The following HIPK3 variants were observed in gnomAD, a reference collection of about 807,000 sequenced individuals.
The protein encoded by HIPK3 is homeodomain interacting protein kinase 3.
Under a neutral mutation model 124.2 loss-of-function variants are expected in HIPK3, and 47 were observed. The ratio of observed to expected loss-of-function variants is 0.38; its 90% CI spans 0.30 to 0.48. The LOEUF (loss-of-function observed/expected upper bound fraction) is 0.48, where lower values mean the gene tolerates loss of function less well. Ranked by LOEUF, HIPK3 falls within the 20% of genes least tolerant of loss-of-function variation. The pLI is 0.98. For missense variants in HIPK3, 1,286 were observed against 1,454.3 expected (o/e 0.88, Z 1.88); for synonymous variants, 482 against 515.2 (o/e 0.94, Z 0.87).
At chr11:33,261,430 T>A (rs1850825082) in intron 1 of HIPK3, among the ~76,000 whole-genome samples, 1 of 152,018 alleles carries the variant, frequency 6.6e-6, no homozygotes. Flanking sequence ...TGTGTTCTCA[T>A]CATTTAGCTT....
At position 33,341,561 on chromosome 11, in the gene HIPK3, A is replaced by G; in HGVS notation, c.1774-2A>G. ...CTCTATATAATGTGCTCGTTGTTTC[A>G]GGCATTGACCACATCTGCTCATTCA... On this transcript the variant is annotated splice_acceptor_variant, in intron 7 of 16. Coordinates refer to ENST00000303296, the MANE Select transcript of HIPK3 (RefSeq NM_005734.5). LOFTEE classifies it high-confidence loss of function. 1 of 1,605,366 alleles carries G rather than the reference A, an allele frequency of 6.2e-7. No homozygotes were observed. Among genetic ancestry groups the G allele is most frequent in the African/African-American group, 1.3e-5 (1 of 74,674 alleles).
At chr11:33,344,077 C>T (rs1001450108) in intron 8 of HIPK3, among the ~76,000 whole-genome samples, 1 of 152,120 alleles carries the variant, frequency 6.6e-6, no homozygotes, top group Non-Finnish European at 1.5e-5. Flanking sequence ...AATATGTTTT[C>T]TACCCTAGAT....
intron 1 of HIPK3, among the ~76,000 whole-genome samples, chr11:33,260,294 C>A (rs910889702): frequency 6.6e-6 from 1 of 152,130 alleles, no homozygotes; most frequent in Admixed American, 6.5e-5. Context: ...TCCCTGCACC[C>A]CCTGCAACTT....
intron 2 of HIPK3, among the ~76,000 whole-genome samples, chr11:33,299,628 AAAG>A (rs1851936412): frequency 6.6e-6 from 1 of 152,228 alleles, no homozygotes. Flanking sequence ...TCCAATTTTG[AAAG>A]AAGTTCTCCT....
intron 3 of HIPK3, 142 bp downstream of exon 3, chr11:33,328,775 GATTTTGAAAACTGTTTTATA>G: frequency 3.0e-6 from 2 of 656,044 alleles, no homozygotes; most frequent in Non-Finnish European, 4.8e-6. Flanking sequence ...TTGTAGAATT[GATTTTGAAAACTGTTTTATA>G]ATGCTGAAGT....
chr11:33,263,835 G>A (rs184436132), intron 1 of HIPK3, among the ~76,000 whole-genome samples: 2 of 152,160 alleles, frequency 1.3e-5, no homozygotes, highest in East Asian at 3.9e-4. Flanking sequence ...TTTCCTTAAG[G>A]TGGAGTTTGG....
rs760575883 is a variant in HIPK3, at chr11:33,353,103, T to C, written c.3183T>C (p.Phe1061=). 6.2e-7 allele frequency: 1 copy of C among 1,609,210 alleles called. No individual in the cohort carries two copies. The change falls in exon 17 of 17, where the codon TTT becomes TTC. Residue 1061 remains phenylalanine (F), a synonymous_variant. Transcript: ENST00000303296. ...QHLNFSQVQH[F]GSGHQEWNGN... is the part of the protein sequence containing the mutation. ...TTCTTTGTGGATAGGTTCAGCACTT[T>C]GGATCTGGGCATCAAGAGTGGAATG...
At chr11:33,258,190 G>C (rs771616525) in intron 1 of HIPK3, 8 of 623,480 alleles carry the variant, frequency 1.3e-5, no homozygotes, top group Non-Finnish European at 1.4e-5. Context: ...GCCTGGCCGG[G>C]GCCCGGGGGC....
Position 33,258,350 on chromosome 11 carries a change from A to G in HIPK3, c.-3+461A>G, listed in dbSNP as rs548538910. The G allele has an allele frequency of 1.9e-3, 1,920 of 985,590 alleles. 5 individuals carry two copies. The highest frequency in any genetic ancestry group is 2.2e-3 in the Non-Finnish European group (1,785 of 830,070). 61.1% of individuals were successfully genotyped at this position (985,590 alleles called of 1,614,324 possible). On this transcript the variant is annotated intron_variant, in intron 1 of 16. Coordinates refer to ENST00000303296, the MANE Select transcript of HIPK3 (RefSeq NM_005734.5). ...TTTCCTTTCATTAAGGGGAACAAAC[A>G]AACGCGCAGGCACGCAGCTTGAGCA...
intron 3 of HIPK3, among the ~76,000 whole-genome samples, chr11:33,330,784 ATT>A (rs1198852696): frequency 6.5e-5 from 9 of 139,294 alleles, no homozygotes; most frequent in African/African-American, 2.4e-4. Context: ...AATTTTGATA[ATT>A]TTTTTTTTTT....
chr11:33,279,839 G>A lies in HIPK3; in HGVS notation c.-2-6574G>A, dbSNP rs73487203. 1.4e-3 allele frequency among the ~76,000 whole-genome samples: 210 copies of A among 152,172 alleles called. 1 individual carries two copies. Among genetic ancestry groups the A allele is most frequent in the African/African-American group, 4.8e-3 (198 of 41,510 alleles). On this transcript the variant is annotated intron_variant, in intron 1 of 16. Coordinates refer to ENST00000303296, the MANE Select transcript of HIPK3 (RefSeq NM_005734.5). The stretch of plus-strand genomic sequence containing the variant: ...CACTTTCTCCTCCTTCAAAGATGGC[G>A]CCCTTTTGCTGTATCCTTACGTGGT...
intron 2 of HIPK3, among the ~76,000 whole-genome samples, chr11:33,320,271 C>T (rs1340563152): frequency 6.6e-6 from 1 of 152,188 alleles, no homozygotes; most frequent in Non-Finnish European, 1.5e-5. Context: ...ATGGATCACT[C>T]AAGCTGCTAG....
chr11:33,312,627 A>G (rs1278792205), intron 2 of HIPK3, among the ~76,000 whole-genome samples: 1 of 152,228 alleles, frequency 6.6e-6, no homozygotes, highest in Non-Finnish European at 1.5e-5. Flanking sequence ...AACAGAGTTG[A>G]TAAGATACAT....
intron 2 of HIPK3, among the ~76,000 whole-genome samples, chr11:33,322,782 C>T (rs545690338): frequency 6.6e-5 from 10 of 152,254 alleles, no homozygotes; most frequent in East Asian, 1.9e-4. Context: ...GTCAAGGCTG[C>T]GCCACTGCAC....
chr11:33,257,572 CG>C lies in HIPK3; in HGVS notation c.-318del. 1 of 985,828 alleles carries C rather than the reference CG, an allele frequency of 1.0e-6. No homozygotes were observed. The highest frequency in any genetic ancestry group is 1.2e-6 in the Non-Finnish European group (1 of 830,136). The allele number at this position is 985,828 out of a possible 1,614,324, so 61.1% of individuals were successfully genotyped here. ...TAGGCCCCAGTAGCCGGAGGCCGAC[CG>C]GCCTCCCACTACCCCTCGCCCTAGC... On this transcript the variant is annotated 5_prime_UTR_variant, in exon 1 of 17. Transcript: ENST00000303296.
Position 33,353,326 on chromosome 11 carries a change from C to CTGT in HIPK3, c.3408_3410dup (p.Leu1137dup), listed in dbSNP as rs779093541. 1.2e-6 allele frequency: 2 copies of CTGT among 1,614,118 alleles called. No homozygotes were observed. The highest frequency in any genetic ancestry group is 1.7e-6 in the Non-Finnish European group (2 of 1,179,980). The stretch of plus-strand genomic sequence containing the variant: ...CAGTAGTGCTGCACCAGTGGCCCAC[C>CTGT]TGTTAGCCTCTCCGTGTACCTCAAG... On this transcript the variant is annotated inframe_insertion, in exon 17 of 17. Transcript: ENST00000303296.
intron 2 of HIPK3, among the ~76,000 whole-genome samples, chr11:33,311,843 C>CACACACACAT (rs1565079019): frequency 1.4e-5 from 2 of 145,992 alleles, no homozygotes; most frequent in Non-Finnish European, 3.0e-5. Flanking sequence ...TTTCTACACA[C>CACACACACAT]ACACACACAC....
intron 2 of HIPK3, among the ~76,000 whole-genome samples, chr11:33,326,689 C>G (rs1194471243): frequency 6.6e-6 from 1 of 150,946 alleles, no homozygotes; most frequent in Non-Finnish European, 1.5e-5. Context: ...TTTTTTCCCC[C>G]GAGACAGAGC....
chr11:33,276,879 AT>A (rs1851287181), intron 1 of HIPK3, among the ~76,000 whole-genome samples: 1 of 151,762 alleles, frequency 6.6e-6, no homozygotes, highest in South Asian at 2.1e-4. Flanking sequence ...TAATTTTTGT[AT>A]TTTTAGTAGA....
Sources: gnomAD v4.1 joint callset for allele counts (sites outside exome capture counted in the v4.1 genomes callset) on GRCh38, gnomAD v4.1.1 for gene constraint, MANE v1.5 for transcripts, NCBI Gene and HGNC (gene_info 2026-07-23, HGNC 2026-07-21) for gene names.